The following TMX4 variants were observed in gnomAD, a reference collection of about 807,000 sequenced individuals.
TMX4 encodes thioredoxin related transmembrane protein 4.
A neutral mutation model predicts 33.3 loss-of-function variants in TMX4; 23 were observed. That is an observed-to-expected ratio of 0.69 (90% CI 0.50 to 0.98). The LOEUF is 0.98. TMX4 is among the 50% of genes least tolerant of loss of function. TMX4 has a pLI of 0.00. For synonymous variants in TMX4, 164 were observed against 161.5 expected, an observed-to-expected ratio of 1.02 and a Z score of -0.12; for missense variants, 399 against 448.9, an observed-to-expected ratio of 0.89 and a Z score of 1.01.
chr20:7,996,925 C>T (rs984546967), intron 4 of TMX4, among the ~76,000 whole-genome samples: 1 of 152,100 alleles, frequency 6.6e-6, no homozygotes, highest in Admixed American at 6.6e-5. Context: ...TGGCTTCCAC[C>T]CTCACCACTA....
chr20:7,998,443 C>T (rs999672662), intron 4 of TMX4, among the ~76,000 whole-genome samples: 1 of 152,152 alleles, frequency 6.6e-6, no homozygotes, highest in Non-Finnish European at 1.5e-5. Flanking sequence ...ATCCCCACTG[C>T]TGCCACCTGA....
Position 8,010,962 on chromosome 20 carries a change from CTGAGGCTA to C in TMX4, c.177-655_177-648del, listed in dbSNP as rs1425729682. On this transcript the variant is annotated intron_variant, in intron 1 of 7. Coordinates refer to ENST00000246024, the MANE Select transcript of TMX4 (RefSeq NM_021156.4). ...TACTAAGAAAGCATTATGGCAGAAGCTGAGGCTACAATTGTGAAGGAGATTTGGTGCCT... is the reference window on the plus strand; with the variant it reads ...TACTAAGAAAGCATTATGGCAGAAGCCAATTGTGAAGGAGATTTGGTGCCT... 1.1e-4 allele frequency among the ~76,000 whole-genome samples: 16 copies of C among 152,186 alleles called. No homozygotes were observed. In the East Asian group the frequency reaches 3.1e-3, roughly 29 times the overall value.
At chr20:8,008,198 C>T (rs984672118) in intron 2 of TMX4, among the ~76,000 whole-genome samples, 9 of 152,164 alleles carry the variant, frequency 5.9e-5, no homozygotes, top group African/African-American at 1.9e-4. Flanking sequence ...AGAAGTTTAT[C>T]TCCTAATTTT....
At chr20:8,019,354 C>G in intron 1 of TMX4, 84 bp downstream of exon 1, 1 of 1,419,756 alleles carries the variant, frequency 7.0e-7, no homozygotes, top group African/African-American at 1.5e-5. Context: ...AGCGGCAATG[C>G]GGGATCGCCA....
In TMX4 at chr20:7,977,597, G is replaced by A. The variant is rs1173615832; in HGVS notation, c.*4654C>T. On this transcript the variant is annotated 3_prime_UTR_variant, in exon 8 of 8. Coordinates refer to ENST00000246024, the MANE Select transcript of TMX4 (RefSeq NM_021156.4). The stretch of plus-strand genomic sequence containing the variant: ...AATGTACTACTTGAAACACATATCT[G>A]GATTTCTCATTCCAATTGCTGCAGA... 1.3e-5 allele frequency: 2 copies of A among 152,150 alleles called. No homozygotes were observed. The highest frequency in any genetic ancestry group is 2.4e-5 in the African/African-American group (1 of 41,428). 9.4% of individuals were successfully genotyped at this position (152,150 alleles called of 1,614,324 possible). A position where few individuals can be genotyped will look rare whatever the true frequency, so the allele number is the denominator to read the frequency against.
chr20:8,016,512 A>G (rs1252782171), intron 1 of TMX4, among the ~76,000 whole-genome samples: 2 of 152,264 alleles, frequency 1.3e-5, no homozygotes, highest in African/African-American at 2.4e-5. Flanking sequence ...CATTTTTAAA[A>G]CACTGGAAAT....
chr20:8,019,579 G>A lies in TMX4; in HGVS notation c.35C>T (p.Ala12Val), dbSNP rs1264721892. ...AGCCGCGATCCAGGCGGCCAGGAGC[G>A]CCGTTAGCTGCGGGCCGCAGCGCCC... ...AGGRCGPQLT[A>V]LLAAWIAAVA... is the part of the protein sequence containing the mutation. The change falls in exon 1 of 8, where the codon GCG (alanine) becomes GTG (valine). Residue 12 changes from alanine (A) to valine (V), a missense_variant. By Grantham distance (64) the Ala-to-Val change is moderately conservative. Coordinates refer to ENST00000246024, the MANE Select transcript of TMX4 (RefSeq NM_021156.4). 1.4e-6 allele frequency: 2 copies of A among 1,382,746 alleles called. No homozygotes were observed. Among genetic ancestry groups the A allele is most frequent in the Non-Finnish European group, 1.9e-6 (2 of 1,071,434 alleles). The allele number at this position is 1,382,746 out of a possible 1,614,324, so 85.7% of individuals were successfully genotyped here.
chr20:8,006,165 C>T (rs1323927560), intron 2 of TMX4, among the ~76,000 whole-genome samples: 1 of 152,172 alleles, frequency 6.6e-6, no homozygotes, highest in Non-Finnish European at 1.5e-5. Context: ...CTGCATGTCC[C>T]CCTAGAGGTT....
At chr20:7,983,395 A>C (rs2122850619) in intron 7 of TMX4, among the ~76,000 whole-genome samples, 1 of 152,326 alleles carries the variant, frequency 6.6e-6, no homozygotes, top group Non-Finnish European at 1.5e-5. Context: ...ATCCAGAGGC[A>C]CCTGGCCCCA....
At chr20:8,012,478 T>G (rs972079259) in intron 1 of TMX4, among the ~76,000 whole-genome samples, 4 of 152,006 alleles carry the variant, frequency 2.6e-5, no homozygotes, top group African/African-American at 9.7e-5. Flanking sequence ...TTAAGACCAC[T>G]CAGAGCAAGA....
At position 7,982,213 on chromosome 20, in the gene TMX4, T is replaced by C. The variant is rs546412385; in HGVS notation, c.*38A>G. 1.8e-5 allele frequency: 29 copies of C among 1,575,420 alleles called. No homozygotes were observed. Among genetic ancestry groups the C allele is most frequent in the African/African-American group, 2.7e-5 (2 of 73,976 alleles). ...TGCAGGCCAAAGGGAAGCTGACATA[T>C]TGTTTTGGTGTGTATTCTTGAAAAC... On this transcript the variant is annotated 3_prime_UTR_variant, in exon 8 of 8. Coordinates refer to ENST00000246024, the MANE Select transcript of TMX4 (RefSeq NM_021156.4).
intron 2 of TMX4, among the ~76,000 whole-genome samples, chr20:8,009,631 T>C (rs548844649): frequency 2.6e-5 from 4 of 152,246 alleles, no homozygotes; most frequent in African/African-American, 9.6e-5. Flanking sequence ...ATGTCTAAGC[T>C]AAATCATGCA....
intron 5 of TMX4, among the ~76,000 whole-genome samples, chr20:7,995,711 G>A (rs1313614009): frequency 6.6e-6 from 1 of 151,964 alleles, no homozygotes. Flanking sequence ...TCTTTCCTTT[G>A]TAGGGAGATA....
chr20:7,996,079 A>T lies in TMX4; in HGVS notation c.468-8T>A. 6.2e-7 allele frequency: 1 copy of T among 1,609,338 alleles called. No individual in the cohort carries two copies. Among genetic ancestry groups the T allele is most frequent in the Non-Finnish European group, 8.5e-7 (1 of 1,177,374 alleles). ...CCAGCCATTCCAGACATCCTTAAAA[A>T]AAAATAAAGAGAAGAAACAGTGATC... On this transcript the variant is annotated splice_region_variant and splice_polypyrimidine_tract_variant and intron_variant, in intron 4 of 7. Transcript: ENST00000246024.
In TMX4 at chr20:8,010,238, T is replaced by C; in HGVS notation, c.254A>G (p.Gln85Arg). ...EAFAKNGEIL[Q>R]ISVGKVDVIQ... ...GACATCTACCTTCCCCACACTGATCTGAAGTATTTCACCATTCTTTGCAAA... is the reference window on the plus strand; with the variant it reads ...GACATCTACCTTCCCCACACTGATCCGAAGTATTTCACCATTCTTTGCAAA... The change falls in exon 2 of 8, where the codon CAG (glutamine) becomes CGG (arginine). Residue 85 changes from glutamine (Q) to arginine (R), a missense_variant. Coordinates refer to ENST00000246024, the MANE Select transcript of TMX4 (RefSeq NM_021156.4). 1 of 1,612,094 alleles carries C rather than the reference T, an allele frequency of 6.2e-7. No homozygotes were observed.
intron 4 of TMX4, 132 bp downstream of exon 4, chr20:7,999,600 G>T (rs1284694724): frequency 4.9e-6 from 5 of 1,024,018 alleles, no homozygotes; most frequent in Non-Finnish European, 5.5e-6. Context: ...CATGGGCTAA[G>T]CATGGCCATG....
At chr20:7,992,603 G>C (rs897515848) in intron 5 of TMX4, among the ~76,000 whole-genome samples, 5 of 152,162 alleles carry the variant, frequency 3.3e-5, no homozygotes, top group Non-Finnish European at 5.9e-5. Context: ...TTGGTATGAA[G>C]TTAAGAAGGC....
In TMX4 at chr20:7,982,346, C is replaced by T. The variant is rs1479654542; in HGVS notation, c.955G>A (p.Glu319Lys). The T allele has an allele frequency of 1.9e-6, 3 of 1,614,016 alleles. No individual in the cohort carries two copies. Among genetic ancestry groups the T allele is most frequent in the Non-Finnish European group, 2.5e-6 (3 of 1,180,038 alleles). Reference protein sequence around the residue: ...REEVEPEEAEEGISEQPCPAD... With the variant: ...REEVEPEEAEKGISEQPCPAD... ...GGGCAGGGTTGCTCAGAGATGCCTT[C>T]TTCAGCCTCCTCAGGCTCTACTTCC... The change falls in exon 8 of 8, where the codon GAA becomes AAA. Residue 319 changes from glutamate to lysine, a missense_variant. By Grantham distance (56) the Glu-to-Lys change is moderately conservative (BLOSUM62 1). Coordinates refer to ENST00000246024, the MANE Select transcript of TMX4 (RefSeq NM_021156.4).
chr20:7,993,102 A>G (rs1193188085), intron 5 of TMX4, among the ~76,000 whole-genome samples: 1 of 152,300 alleles, frequency 6.6e-6, no homozygotes, highest in Non-Finnish European at 1.5e-5. Context: ...GGAAAGACTG[A>G]TTTCTATCTG....
Sources: gnomAD v4.1 joint callset for allele counts (sites outside exome capture counted in the v4.1 genomes callset) on GRCh38, gnomAD v4.1.1 for gene constraint, MANE v1.5 for transcripts, NCBI Gene and HGNC (gene_info 2026-07-23, HGNC 2026-07-21) for gene names.